TUSC3: variants seen among roughly 807,000 people sequenced by gnomAD.
TUSC3 encodes the protein tumor suppressor candidate 3, also known as dolichyl-diphosphooligosaccharide--protein glycosyltransferase subunit TUSC3.
TUSC3 carries 45 observed loss-of-function variants against 44.8 expected under a neutral mutation model. The ratio of observed to expected loss-of-function variants is 1.00; its 90% confidence interval spans 0.79 to 1.29. The LOEUF (loss-of-function observed/expected upper bound fraction) is 1.29. Ranked by LOEUF, TUSC3 falls within the 50% of genes most tolerant of loss-of-function variation. TUSC3 has a pLI of 0.00. For missense variants in TUSC3, 519 were observed against 437.9 expected, an observed-to-expected ratio of 1.19 and a Z score of -1.65; for synonymous variants, 212 against 152.9, an observed-to-expected ratio of 1.39 and a Z score of -2.85.
intron 2 of TUSC3, among the ~76,000 whole-genome samples, chr8:15,641,969 A>C (rs557111326): frequency 5.3e-5 from 8 of 152,226 alleles, no homozygotes; most frequent in Non-Finnish European, 8.8e-5. Context: ...GAATGTGTAC[A>C]TATGTCTACA....
chr8:15,629,703 T>C (rs183986255), intron 2 of TUSC3, among the ~76,000 whole-genome samples: 11 of 151,036 alleles, frequency 7.3e-5, no homozygotes, highest in Admixed American at 7.3e-4. Context: ...TCGTAGTACT[T>C]TCCTTTGTGA....
At chr8:15,431,574 C>A (rs922265673) in intron 1 of TUSC3, among the ~76,000 whole-genome samples, 2 of 150,788 alleles carry the variant, frequency 1.3e-5, no homozygotes, top group Non-Finnish European at 2.9e-5. Context: ...CAGTGCTTGG[C>A]AAACTCTTTA....
intron 2 of TUSC3, among the ~76,000 whole-genome samples, chr8:15,497,075 G>A (rs1255157001): frequency 6.6e-6 from 1 of 152,104 alleles, no homozygotes; most frequent in Non-Finnish European, 1.5e-5. Context: ...GACAAAATAC[G>A]GAAAATACGG....
At chr8:15,444,955 A>G (rs867744545) in intron 1 of TUSC3, among the ~76,000 whole-genome samples, 3 of 152,168 alleles carry the variant, frequency 2.0e-5, no homozygotes, top group African/African-American at 7.2e-5. Flanking sequence ...TACGAACTTC[A>G]GATGCAGGAG....
chr8:15,480,104 G>A (rs1397812386), intron 1 of TUSC3, among the ~76,000 whole-genome samples: 2 of 152,022 alleles, frequency 1.3e-5, no homozygotes, highest in African/African-American at 4.8e-5. Flanking sequence ...GAAAGTGAAG[G>A]ACCTCTTCAA....
intron 3 of TUSC3, among the ~76,000 whole-genome samples, chr8:15,653,683 A>G (rs945661792): frequency 6.6e-6 from 1 of 152,338 alleles, no homozygotes; most frequent in South Asian, 2.1e-4. Context: ...AAGTTATAGC[A>G]GTTAATGAGT....
intron 1 of TUSC3, among the ~76,000 whole-genome samples, chr8:15,616,203 T>C (rs1386944778): frequency 6.6e-6 from 1 of 152,234 alleles, no homozygotes; most frequent in Non-Finnish European, 1.5e-5. Context: ...CAATAGGGAC[T>C]AATTTCTGTT....
At position 15,580,838 on chromosome 8, in the gene TUSC3, G is replaced by T. The variant is rs150055182; in HGVS notation, c.138+40270G>T. 8.6e-4 allele frequency among the ~76,000 whole-genome samples: 124 copies of T among 144,464 alleles called. 11 individuals carry two copies. Among genetic ancestry groups the T allele is most frequent in the African/African-American group, 3.2e-3 (118 of 37,336 alleles). The allele number at this position is 144,464 out of a possible 152,430, so 94.8% of individuals were successfully genotyped here. A position where few individuals can be genotyped will look rare whatever the true frequency, so the allele number is the denominator to read the frequency against. ...GAGGAGTATCTTTGTGGCATTCCCT[G>T]TATTTCCTTAATCTGAACGTTGGCC... On this transcript the variant is annotated intron_variant, in intron 1 of 10. Transcript: ENST00000503731.
chr8:15,521,241 A>G (rs984084060), intron 2 of TUSC3, among the ~76,000 whole-genome samples: 3 of 152,050 alleles, frequency 2.0e-5, no homozygotes, highest in African/African-American at 7.2e-5. Flanking sequence ...GGGATGCTTG[A>G]GTTCTTAGGG....
intron 6 of TUSC3, among the ~76,000 whole-genome samples, chr8:15,717,601 C>T (rs986424134): frequency 6.6e-6 from 1 of 152,178 alleles, no homozygotes; most frequent in East Asian, 1.9e-4. Flanking sequence ...ATATAATCTA[C>T]ATTAAAATAT....
intron 1 of TUSC3, among the ~76,000 whole-genome samples, chr8:15,447,780 A>G (rs1800126235): frequency 6.6e-6 from 1 of 151,848 alleles, no homozygotes; most frequent in Admixed American, 6.6e-5. Context: ...TACATGATGT[A>G]AAATGTCAGA....
At chr8:15,641,449 A>T (rs1039645951) in intron 2 of TUSC3, among the ~76,000 whole-genome samples, 26 of 152,154 alleles carry the variant, frequency 1.7e-4, no homozygotes, top group African/African-American at 6.0e-4. Context: ...CTAGTTTATC[A>T]AAGGAAATTA....
chr8:15,425,714 C>A (rs1799795495), intron 1 of TUSC3, among the ~76,000 whole-genome samples: 1 of 152,184 alleles, frequency 6.6e-6, no homozygotes, highest in Non-Finnish European at 1.5e-5. Context: ...ATTAACAAAT[C>A]TCTCATGGCT....
At chr8:15,543,552 T>C (rs961581115) in intron 1 of TUSC3, among the ~76,000 whole-genome samples, 1 of 152,150 alleles carries the variant, frequency 6.6e-6, no homozygotes, top group African/African-American at 2.4e-5. Flanking sequence ...TCAGGTATTA[T>C]GTATACATGT....
intron 1 of TUSC3, among the ~76,000 whole-genome samples, chr8:15,452,238 A>G (rs1800204154): frequency 6.6e-6 from 1 of 152,152 alleles, no homozygotes; most frequent in African/African-American, 2.4e-5. Context: ...AGTTATGAAA[A>G]ATTTTCGCTG....
intron 1 of TUSC3, among the ~76,000 whole-genome samples, chr8:15,599,840 AG>A (rs1322737992): frequency 6.6e-6 from 1 of 151,034 alleles, no homozygotes; most frequent in African/African-American, 2.4e-5. Flanking sequence ...TTGAGGTTGG[AG>A]GTTGGGAAGT....
intron 1 of TUSC3, among the ~76,000 whole-genome samples, chr8:15,618,282 T>G (rs938510261): frequency 1.2e-4 from 18 of 152,204 alleles, no homozygotes; most frequent in Admixed American, 5.9e-4. Context: ...CTACTAGAAC[T>G]TTTTTTAAAA....
intron 1 of TUSC3, among the ~76,000 whole-genome samples, chr8:15,433,691 C>T (rs952333213): frequency 2.6e-5 from 4 of 152,106 alleles, no homozygotes; most frequent in Non-Finnish European, 5.9e-5. Flanking sequence ...TAAATGGAGC[C>T]ATACAGCACA....
intron 6 of TUSC3, among the ~76,000 whole-genome samples, chr8:15,720,160 C>G (rs1471646501): frequency 6.7e-6 from 1 of 149,256 alleles, no homozygotes; most frequent in East Asian, 2.0e-4. Flanking sequence ...ATAGTAGAAG[C>G]AGAAGTGATA....
Sources: allele counts gnomAD v4.1 joint callset (sites outside exome capture counted in the v4.1 genomes callset), GRCh38; gene constraint gnomAD v4.1.1; transcripts MANE v1.5; gene names NCBI Gene and HGNC (gene_info 2026-07-23, HGNC 2026-07-21).